The following PAPPA variants were observed in gnomAD, a reference collection of about 807,000 sequenced individuals.
The protein encoded by PAPPA is pappalysin 1, also known as pappalysin-1.
PAPPA carries 60 observed loss-of-function variants against 164.0 expected under a neutral mutation model. That is an observed-to-expected ratio of 0.37 (90% CI 0.30 to 0.45). The LOEUF is 0.45. Ranked by LOEUF, PAPPA falls within the 20% of genes least tolerant of loss-of-function variation. The probability of loss-of-function intolerance (pLI) is 1.00; values close to 1 mark genes in which losing one functional copy is unlikely to be tolerated. For missense variants in PAPPA, 1,782 were observed against 2,087.3 expected, an observed-to-expected ratio of 0.85 and a Z score of 2.85; for synonymous variants, 875 against 814.1, an observed-to-expected ratio of 1.07 and a Z score of -1.27.
At position 116,396,604 on chromosome 9, in the gene PAPPA, C is replaced by G. The variant is rs1422086192; in HGVS notation, c.4872C>G (p.Tyr1624Ter). The G allele has an allele frequency of 1.3e-6, 1 of 780,668 alleles. No individual in the cohort carries two copies. Among genetic ancestry groups the G allele is most frequent in the African/African-American group, 1.7e-5 (1 of 59,136 alleles). The allele number at this position is 780,668 out of a possible 1,614,324, so 48.4% of individuals were successfully genotyped here. The change falls in exon 22 of 22, where the codon TAC (tyrosine) becomes TAG (stop). Residue 1624 changes from tyrosine (Y) to a stop codon, truncating the protein, a stop_gained. Transcript: ENST00000328252. LOFTEE classifies it high-confidence loss of function. ...QEHSRKDLRG[Y>*]SHG ...ACAGCCGGAAAGACCTCCGGGGATA[C>G]AGCCATGGCTAAGGAAGGACAAGAA...
At chr9:116,297,215 T>A (rs377466752) in intron 9 of PAPPA, among the ~76,000 whole-genome samples, 25 of 152,316 alleles carry the variant, frequency 1.6e-4, no homozygotes, top group African/African-American at 5.8e-4. Flanking sequence ...AAGATTTGTA[T>A]GTCAGGTAGA....
At chr9:116,369,276 G>C (rs1846541913) in intron 19 of PAPPA, among the ~76,000 whole-genome samples, 1 of 152,060 alleles carries the variant, frequency 6.6e-6, no homozygotes, top group Admixed American at 6.5e-5. Context: ...ATTCCCCCGA[G>C]TGCCCCAGTG....
At chr9:116,244,029 C>G (rs919349871) in intron 7 of PAPPA, among the ~76,000 whole-genome samples, 4 of 152,144 alleles carry the variant, frequency 2.6e-5, no homozygotes, top group African/African-American at 9.7e-5. Flanking sequence ...CACTCTGGTT[C>G]TGGAAACCAG....
At chr9:116,298,852 T>G (rs1194263668) in intron 9 of PAPPA, among the ~76,000 whole-genome samples, 3 of 150,824 alleles carry the variant, frequency 2.0e-5, no homozygotes, top group African/African-American at 7.2e-5. Context: ...CGGAAGTTAT[T>G]TGACCTTGGT....
At chr9:116,355,981 TA>T (rs961030023) in intron 17 of PAPPA, among the ~76,000 whole-genome samples, 3 of 152,186 alleles carry the variant, frequency 2.0e-5, no homozygotes, top group Non-Finnish European at 2.9e-5. Context: ...TTGCTGCCTA[TA>T]AACATAGCAG....
intron 6 of PAPPA, among the ~76,000 whole-genome samples, chr9:116,229,822 C>T (rs184810966): frequency 9.2e-5 from 14 of 152,208 alleles, no homozygotes; most frequent in East Asian, 1.9e-4. Context: ...CTGGTGAGGT[C>T]GGTGGCTGTG....
At chr9:116,362,552 G>A in intron 17 of PAPPA, 40 bp from the exon 18 acceptor site, 2 of 1,592,966 alleles carry the variant, frequency 1.3e-6, no homozygotes, top group Non-Finnish European at 1.7e-6. Flanking sequence ...ATTGGGGCTG[G>A]TGTCTCTCTT....
chr9:116,225,997 T>G (rs1844502939), intron 5 of PAPPA, among the ~76,000 whole-genome samples: 1 of 132,536 alleles, frequency 7.5e-6, no homozygotes, highest in Non-Finnish European at 1.6e-5. Flanking sequence ...TAGGATAAAC[T>G]CTCCTGCATG....
chr9:116,177,006 A>T (rs540359455), intron 1 of PAPPA, among the ~76,000 whole-genome samples: 4 of 145,136 alleles, frequency 2.8e-5, no homozygotes, highest in African/African-American at 1.0e-4. Flanking sequence ...TTAAATTGAC[A>T]TGTCCATGTG....
In PAPPA at chr9:116,220,949, GT is replaced by G. The variant is rs35056605; in HGVS notation, c.2111+832del. Among the ~76,000 whole-genome samples, 1,161 of 143,000 alleles carry G rather than the reference GT, an allele frequency of 8.1e-3. 3 individuals carry two copies. The highest frequency in any genetic ancestry group is 7.4e-3 in the Middle Eastern group (2 of 272). The allele number at this position is 143,000 out of a possible 152,430, so 93.8% of individuals were successfully genotyped here. Reference sequence around the variant, plus strand: ...TATAAACATAATTTTTGCACCAAATGTTTTTTTTTTTTATTTTGTAGAACTA... The same window carrying G: ...TATAAACATAATTTTTGCACCAAATGTTTTTTTTTTTATTTTGTAGAACTA... On this transcript the variant is annotated intron_variant, in intron 5 of 21. Transcript: ENST00000328252.
At chr9:116,165,066 C>G (rs757379942) in intron 1 of PAPPA, among the ~76,000 whole-genome samples, 2 of 152,154 alleles carry the variant, frequency 1.3e-5, no homozygotes, top group Non-Finnish European at 2.9e-5. Context: ...TGTTACTCTT[C>G]CACTGGTAAA....
chr9:116,231,552 C>A (rs911872835), intron 6 of PAPPA, among the ~76,000 whole-genome samples: 2 of 152,016 alleles, frequency 1.3e-5, no homozygotes, highest in African/African-American at 4.8e-5. Flanking sequence ...ACTAAAAGCT[C>A]CCTGAGAACA....
At chr9:116,289,958 C>G (rs1845416161) in intron 9 of PAPPA, among the ~76,000 whole-genome samples, 1 of 152,122 alleles carries the variant, frequency 6.6e-6, no homozygotes, top group Non-Finnish European at 1.5e-5. Flanking sequence ...AATGGTTGAG[C>G]TAAGACCTAA....
At chr9:116,166,736 G>C (rs1843723816) in intron 1 of PAPPA, among the ~76,000 whole-genome samples, 1 of 152,174 alleles carries the variant, frequency 6.6e-6, no homozygotes, top group Admixed American at 6.5e-5. Flanking sequence ...ATGACTCCCT[G>C]AAGTACCAAT....
intron 10 of PAPPA, among the ~76,000 whole-genome samples, chr9:116,324,866 G>C (rs1262840931): frequency 6.6e-6 from 1 of 152,182 alleles, no homozygotes; most frequent in Non-Finnish European, 1.5e-5. Flanking sequence ...GGAGCACAGA[G>C]AGCAGTGAAA....
chr9:116,175,878 C>A (rs1016261279), intron 1 of PAPPA, among the ~76,000 whole-genome samples: 1 of 152,118 alleles, frequency 6.6e-6, no homozygotes, highest in African/African-American at 2.4e-5. Context: ...AACAACTAAA[C>A]AACCAAAAAC....
chr9:116,344,726 T>G lies in PAPPA; in HGVS notation c.3780+15T>G. On this transcript the variant is annotated intron_variant, in intron 14 of 21. Transcript: ENST00000328252. The stretch of plus-strand genomic sequence containing the variant: ...TCAAGAGCCAGGTATGTGCAGGTGC[T>G]GAGCTCAGAGCCTCTCTGCAGCCCA... 6.2e-7 allele frequency: 1 copy of G among 1,607,896 alleles called. No individual in the cohort carries two copies. Among genetic ancestry groups the G allele is most frequent in the Middle Eastern group, 1.8e-4 (1 of 5,654 alleles).
chr9:116,220,871 C>T (rs994106619), intron 5 of PAPPA, among the ~76,000 whole-genome samples: 12 of 149,818 alleles, frequency 8.0e-5, no homozygotes, highest in Admixed American at 4.7e-4. Flanking sequence ...GGCAACAGAG[C>T]GAAACTCTGT....
At chr9:116,201,030 A>T (rs2118660935) in intron 2 of PAPPA, among the ~76,000 whole-genome samples, 1 of 152,336 alleles carries the variant, frequency 6.6e-6, no homozygotes, top group East Asian at 1.9e-4. Flanking sequence ...CAAGAATTTA[A>T]TAAACTCTCC....
Sources: allele counts gnomAD v4.1 joint callset (sites outside exome capture counted in the v4.1 genomes callset), GRCh38; gene constraint gnomAD v4.1.1; transcripts MANE v1.5; gene names NCBI Gene and HGNC (gene_info 2026-07-23, HGNC 2026-07-21).